The following RSBN1L variants were observed in gnomAD, a reference collection of about 807,000 sequenced individuals.
RSBN1L encodes lysine-specific demethylase RSBN1L.
In RSBN1L, 30 loss-of-function variants were observed where a neutral mutation model predicts 67.7. The ratio of observed to expected loss-of-function variants is 0.44; its 90% CI spans 0.33 to 0.60. The LOEUF (loss-of-function observed/expected upper bound fraction) is 0.60. Among genes scored for constraint, RSBN1L ranks in the 20% least tolerant of loss-of-function variants. RSBN1L has a pLI of 0.02. For missense variants in RSBN1L, 992 were observed against 1,031.7 expected, an observed-to-expected ratio of 0.96 and a Z score of 0.53; for synonymous variants, 433 against 387.0, an observed-to-expected ratio of 1.12 and a Z score of -1.39.
chr7:77,747,491 G>A (rs1791500067), intron 2 of RSBN1L, among the ~76,000 whole-genome samples: 1 of 152,128 alleles, frequency 6.6e-6, no homozygotes, highest in Admixed American at 6.5e-5. Flanking sequence ...CCCAGCTCCA[G>A]CTGTGGCTCA....
chr7:77,766,137 G>T (rs1245476831), intron 4 of RSBN1L, among the ~76,000 whole-genome samples: 2 of 152,118 alleles, frequency 1.3e-5, no homozygotes, highest in Non-Finnish European at 2.9e-5. Flanking sequence ...AAACTTTCTG[G>T]GCTTCAGTTT....
Position 77,697,073 on chromosome 7 carries a change from A to C in RSBN1L, c.586+18A>C, listed in dbSNP as rs1584269078. 4.6e-6 allele frequency: 6 copies of C among 1,307,530 alleles called. No homozygotes were observed. The highest frequency in any genetic ancestry group is 4.9e-6 in the Non-Finnish European group (5 of 1,026,338). The allele number at this position is 1,307,530 out of a possible 1,614,324, so 81.0% of individuals were successfully genotyped here. ...GCCCCGAGGTGGGTGCCGTGCGGGGAGGGGGAGGGGAGGGCGCCGTGGGTC... is the reference window on the plus strand; with the variant it reads ...GCCCCGAGGTGGGTGCCGTGCGGGGCGGGGGAGGGGAGGGCGCCGTGGGTC... On this transcript the variant is annotated intron_variant, in intron 1 of 7. Transcript: ENST00000334955.
chr7:77,704,714 A>C (rs1790864660), intron 1 of RSBN1L, among the ~76,000 whole-genome samples: 1 of 152,090 alleles, frequency 6.6e-6, no homozygotes, highest in African/African-American at 2.4e-5. Flanking sequence ...GTGGTGGCTC[A>C]TGCCTGTAAA....
chr7:77,762,814 A>G (rs1199502809), intron 3 of RSBN1L, among the ~76,000 whole-genome samples: 2 of 152,182 alleles, frequency 1.3e-5, no homozygotes, highest in Admixed American at 1.3e-4. Context: ...TAATTTAATA[A>G]TGTTATAGTT....
rs370986919 is a variant in RSBN1L at position 77,717,015 on chromosome 7, C to G, written c.587-19395C>G. ...TTGCTCTGTTGCCCAGGCTGGAGTG[C>G]AGTGGCGTAATCATAGCTCATTGCA... is the stretch of plus-strand genomic sequence containing the variant. On this transcript the variant is annotated intron_variant, in intron 1 of 7. Coordinates refer to ENST00000334955, the MANE Select transcript of RSBN1L (RefSeq NM_198467.3). Among the ~76,000 whole-genome samples, 11 of 151,330 alleles carry G rather than the reference C, an allele frequency of 7.3e-5. No homozygotes were observed. The East Asian group carries it at 1.9e-3, about 27-fold the overall frequency.
At chr7:77,763,059 A>G (rs140222660) in intron 3 of RSBN1L, among the ~76,000 whole-genome samples, 149 of 152,132 alleles carry the variant, frequency 9.8e-4, no homozygotes, top group African/African-American at 3.4e-3. Flanking sequence ...TTAGAACTAA[A>G]TGTTGTAGGT....
intron 3 of RSBN1L, among the ~76,000 whole-genome samples, chr7:77,754,207 C>A (rs1791589077): frequency 6.6e-6 from 1 of 151,886 alleles, no homozygotes; most frequent in Admixed American, 6.6e-5. Context: ...CTAGCTTTAT[C>A]ATTAATCTCA....
chr7:77,732,427 G>A (rs1791283127), intron 1 of RSBN1L, among the ~76,000 whole-genome samples: 1 of 152,058 alleles, frequency 6.6e-6, no homozygotes, highest in Admixed American at 6.5e-5. Context: ...CTGCCTCCTG[G>A]GTTCCAGTGA....
At chr7:77,734,982 T>G (rs1299088622) in intron 1 of RSBN1L, among the ~76,000 whole-genome samples, 1 of 152,090 alleles carries the variant, frequency 6.6e-6, no homozygotes, top group Non-Finnish European at 1.5e-5. Context: ...TTTCTTGTAC[T>G]CAGACTGTGT....
chr7:77,720,645 A>T (rs1012281191), intron 1 of RSBN1L, among the ~76,000 whole-genome samples: 1 of 152,090 alleles, frequency 6.6e-6, no homozygotes, highest in Non-Finnish European at 1.5e-5. Flanking sequence ...GCTTCATGTC[A>T]CTTGATCAGT....
At chr7:77,772,869 A>C (rs1177671904) in intron 5 of RSBN1L, among the ~76,000 whole-genome samples, 1 of 152,224 alleles carries the variant, frequency 6.6e-6, no homozygotes, top group African/African-American at 2.4e-5. Context: ...CCCAAACCCC[A>C]GGTAAAGATT....
At chr7:77,714,207 T>G (rs754076957) in intron 1 of RSBN1L, among the ~76,000 whole-genome samples, 5 of 152,252 alleles carry the variant, frequency 3.3e-5, no homozygotes, top group Admixed American at 1.3e-4. Flanking sequence ...AGAATTTTCC[T>G]GGCTTTTTGA....
In RSBN1L at chr7:77,780,737, A is replaced by G. The variant is rs1235783874; in HGVS notation, c.*1569A>G. ...CCTAGCAAGGCAAACAACTTGGAGT[A>G]CTTCCTTTTCGAAAGAAGTTCTAGA... On this transcript the variant is annotated 3_prime_UTR_variant, in exon 8 of 8. Coordinates refer to ENST00000334955, the MANE Select transcript of RSBN1L (RefSeq NM_198467.3). 1 of 152,232 alleles carries G rather than the reference A, an allele frequency of 6.6e-6. No homozygotes were observed. The highest frequency in any genetic ancestry group is 6.5e-5 in the Admixed American group (1 of 15,286). 9.4% of individuals were successfully genotyped at this position (152,232 alleles called of 1,614,324 possible). A position where few individuals can be genotyped will look rare whatever the true frequency, so the allele number is the denominator to read the frequency against.
At chr7:77,701,077 A>G (rs950615670) in intron 1 of RSBN1L, among the ~76,000 whole-genome samples, 9 of 144,658 alleles carry the variant, frequency 6.2e-5, no homozygotes, top group African/African-American at 2.4e-4. Context: ...GCTTGAACCC[A>G]GGAGGCGGAG....
chr7:77,696,463 G>A lies in RSBN1L; in HGVS notation c.-7G>A, dbSNP rs747379549. The A allele has an allele frequency of 1.4e-5, 22 of 1,601,056 alleles. No homozygotes were observed. Among genetic ancestry groups the A allele is most frequent in the Admixed American group, 5.1e-5 (3 of 58,806 alleles). On this transcript the variant is annotated 5_prime_UTR_variant, in exon 1 of 8. Coordinates refer to ENST00000334955, the MANE Select transcript of RSBN1L (RefSeq NM_198467.3). ...GCGGAGGAGAGTAAATACAACAGGA[G>A]CGCAAAATGGCGGAACCGCCGAGCC...
At chr7:77,744,961 T>G (rs1165361056) in intron 2 of RSBN1L, among the ~76,000 whole-genome samples, 1 of 152,192 alleles carries the variant, frequency 6.6e-6, no homozygotes, top group Non-Finnish European at 1.5e-5. Context: ...GGTATTCATA[T>G]GTGCAAAAGC....
chr7:77,710,932 A>G (rs1209615204), intron 1 of RSBN1L, among the ~76,000 whole-genome samples: 1 of 152,138 alleles, frequency 6.6e-6, no homozygotes, highest in African/African-American at 2.4e-5. Context: ...CATCTTTGCT[A>G]GACTGCAAGT....
chr7:77,701,083 C>T lies in RSBN1L; in HGVS notation c.586+4028C>T, dbSNP rs187058219. ...TGAGGCATCGCTTGAACCCAGGAGG[C>T]GGAGGTTACAGTAAGCTGAGATGGC... On this transcript the variant is annotated intron_variant, in intron 1 of 7. Coordinates refer to ENST00000334955, the MANE Select transcript of RSBN1L (RefSeq NM_198467.3). Among the ~76,000 whole-genome samples the T allele has an allele frequency of 2.6e-3, 343 of 133,678 alleles. 2 individuals carry two copies. The highest frequency in any genetic ancestry group is 9.6e-3 in the African/African-American group (323 of 33,662). 87.7% of individuals were successfully genotyped at this position (133,678 alleles called of 152,430 possible). A position where few individuals can be genotyped will look rare whatever the true frequency, so the allele number is the denominator to read the frequency against.
intron 2 of RSBN1L, among the ~76,000 whole-genome samples, chr7:77,744,334 C>T (rs1352844439): frequency 2.0e-5 from 3 of 152,104 alleles, no homozygotes; most frequent in Non-Finnish European, 4.4e-5. Context: ...CCATGCCTGG[C>T]CTACTGTTTG....
Sources: gnomAD v4.1 joint callset for allele counts (sites outside exome capture counted in the v4.1 genomes callset) on GRCh38, gnomAD v4.1.1 for gene constraint, MANE v1.5 for transcripts, NCBI Gene and HGNC (gene_info 2026-07-23, HGNC 2026-07-21) for gene names.